The following PDLIM1 variants were observed in gnomAD, a reference collection of about 807,000 sequenced individuals.
PDLIM1 encodes PDZ and LIM domain 1.
PDLIM1 carries 25 observed loss-of-function variants against 35.2 expected under a neutral mutation model. That is an observed-to-expected ratio of 0.71 (90% CI 0.52 to 0.99). The LOEUF (loss-of-function observed/expected upper bound fraction) is 0.99, where lower values mean the gene tolerates loss of function less well. PDLIM1 is among the 50% of genes least tolerant of loss of function. The pLI is 0.00. For missense variants in PDLIM1, 363 were observed against 415.3 expected (o/e 0.87, Z 1.09); for synonymous variants, 152 against 154.0 (o/e 0.99, Z 0.10).
chr10:95,246,508 C>G (rs2035222796), intron 5 of PDLIM1, among the ~76,000 whole-genome samples: 1 of 152,182 alleles, frequency 6.6e-6, no homozygotes, highest in Non-Finnish European at 1.5e-5. Context: ...AAGAAAGCCT[C>G]TTCATGACAT....
At chr10:95,258,402 T>A (rs2035334461) in intron 4 of PDLIM1, among the ~76,000 whole-genome samples, 1 of 152,060 alleles carries the variant, frequency 6.6e-6, no homozygotes, top group African/African-American at 2.4e-5. Context: ...CTCGGGAGGC[T>A]GAGGCAGAGA....
At chr10:95,270,864 C>T (rs1405847807) in intron 2 of PDLIM1, among the ~76,000 whole-genome samples, 1 of 151,992 alleles carries the variant, frequency 6.6e-6, no homozygotes, top group Non-Finnish European at 1.5e-5. Flanking sequence ...GATTCTCCTG[C>T]CTCGGCCTCC....
chr10:95,270,904 C>T (rs1461003101), intron 2 of PDLIM1, among the ~76,000 whole-genome samples: 1 of 151,664 alleles, frequency 6.6e-6, no homozygotes, highest in East Asian at 2.0e-4. Context: ...GTGCACGCTA[C>T]CACACCTGGC....
At chr10:95,241,133 G>A (rs1421467621) in intron 5 of PDLIM1, among the ~76,000 whole-genome samples, 4 of 152,230 alleles carry the variant, frequency 2.6e-5, no homozygotes, top group African/African-American at 9.6e-5. Flanking sequence ...CAATCGCGGG[G>A]CTGACAGACA....
intron 5 of PDLIM1, among the ~76,000 whole-genome samples, chr10:95,239,868 T>C (rs1031789866): frequency 2.0e-5 from 3 of 152,004 alleles, no homozygotes; most frequent in Admixed American, 6.5e-5. Flanking sequence ...AAGACATACA[T>C]GCGGCCAACA....
At chr10:95,260,321 A>G (rs933580870) in intron 4 of PDLIM1, among the ~76,000 whole-genome samples, 2 of 152,242 alleles carry the variant, frequency 1.3e-5, no homozygotes, top group Non-Finnish European at 2.9e-5. Context: ...CCAAGCCTTT[A>G]GGAAGTATCA....
chr10:95,284,515 G>A (rs2035586146), intron 1 of PDLIM1, among the ~76,000 whole-genome samples: 1 of 152,036 alleles, frequency 6.6e-6, no homozygotes, highest in South Asian at 2.1e-4. Context: ...CACTACGCCT[G>A]GCTAATTTTT....
chr10:95,249,164 G>A (rs1048756055), intron 4 of PDLIM1, among the ~76,000 whole-genome samples: 2 of 152,208 alleles, frequency 1.3e-5, no homozygotes, highest in Non-Finnish European at 2.9e-5. Context: ...GCAAGTGAAC[G>A]AACACTGCAG....
At chr10:95,288,863 G>A (rs911017660) in intron 1 of PDLIM1, among the ~76,000 whole-genome samples, 1 of 152,218 alleles carries the variant, frequency 6.6e-6, no homozygotes, top group African/African-American at 2.4e-5. Flanking sequence ...TGAACACCTT[G>A]AGAATGGAGC....
At chr10:95,248,167 T>TCACCTCCC (rs1218282510) in intron 4 of PDLIM1, among the ~76,000 whole-genome samples, 1 of 152,208 alleles carries the variant, frequency 6.6e-6, no homozygotes, top group African/African-American at 2.4e-5. Context: ...TGACCCCTTC[T>TCACCTCCC]CACCTCCCCA....
intron 4 of PDLIM1, among the ~76,000 whole-genome samples, chr10:95,255,587 CA>C (rs1367886456): frequency 6.6e-6 from 1 of 152,114 alleles, no homozygotes; most frequent in African/African-American, 2.4e-5. Flanking sequence ...AACAAACTTT[CA>C]TGATAAAAAT....
chr10:95,247,188 CCT>C, intron 5 of PDLIM1, 25 bp downstream of exon 5: 1 of 1,598,274 alleles, frequency 6.3e-7, no homozygotes, highest in Non-Finnish European at 8.5e-7. Flanking sequence ...TGAACAAGAG[CCT>C]CTGACTGCAG....
At chr10:95,284,592 G>A (rs2100095337) in intron 1 of PDLIM1, among the ~76,000 whole-genome samples, 1 of 152,150 alleles carries the variant, frequency 6.6e-6, no homozygotes, top group Admixed American at 6.5e-5. Context: ...GACCTCAGGT[G>A]ATTCACCCAC....
chr10:95,276,421 G>A (rs1345993536), intron 1 of PDLIM1, among the ~76,000 whole-genome samples: 3 of 152,118 alleles, frequency 2.0e-5, no homozygotes, highest in Non-Finnish European at 4.4e-5. Flanking sequence ...CCCCTGCCCT[G>A]TACTGATCTG....
intron 1 of PDLIM1, among the ~76,000 whole-genome samples, chr10:95,281,968 A>C (rs1289588288): frequency 1.3e-5 from 2 of 152,172 alleles, no homozygotes; most frequent in Non-Finnish European, 2.9e-5. Context: ...GTTAAATCTT[A>C]TATGTGTTCT....
At chr10:95,277,522 A>G (rs1239394151) in intron 1 of PDLIM1, among the ~76,000 whole-genome samples, 1 of 152,106 alleles carries the variant, frequency 6.6e-6, no homozygotes, top group African/African-American at 2.4e-5. Context: ...CACTGCCTGT[A>G]ATCCCAATTA....
At chr10:95,252,335 C>T (rs2035274665) in intron 4 of PDLIM1, among the ~76,000 whole-genome samples, 1 of 152,166 alleles carries the variant, frequency 6.6e-6, no homozygotes, top group Non-Finnish European at 1.5e-5. Context: ...GCCCCAATGA[C>T]CTCAGGTGTG....
intron 1 of PDLIM1, among the ~76,000 whole-genome samples, chr10:95,286,338 C>T (rs974105523): frequency 6.7e-6 from 1 of 148,878 alleles, no homozygotes; most frequent in Non-Finnish European, 1.5e-5. Flanking sequence ...GCCTGGGCAA[C>T]AGAGCGACAC....
At chr10:95,282,071 G>A (rs1286172142) in intron 1 of PDLIM1, among the ~76,000 whole-genome samples, 2 of 152,206 alleles carry the variant, frequency 1.3e-5, no homozygotes, top group Admixed American at 1.3e-4. Context: ...AATAACGATA[G>A]TAATAATTAT....
Sources: allele counts gnomAD v4.1 joint callset (sites outside exome capture counted in the v4.1 genomes callset), GRCh38; gene constraint gnomAD v4.1.1; transcripts MANE v1.5; gene names NCBI Gene and HGNC (gene_info 2026-07-23, HGNC 2026-07-21).